Variants in TRPS1 observed in about 807,000 individuals in gnomAD.
TRPS1 encodes the protein zinc finger transcription factor Trps1.
TRPS1 carries 6 observed loss-of-function variants against 101.2 expected under a neutral mutation model. The observed-to-expected ratio is 0.06, with a 90% CI of 0.03 to 0.12. TRPS1 has a LOEUF of 0.12. TRPS1 is among the 10% of genes least tolerant of loss of function. TRPS1 has a pLI of 1.00. For synonymous variants in TRPS1, 578 were observed against 589.8 expected, an observed-to-expected ratio of 0.98 and a Z score of 0.29; for missense variants, 1,363 against 1,567.0, an observed-to-expected ratio of 0.87 and a Z score of 2.20.
intron 5 of TRPS1, among the ~76,000 whole-genome samples, chr8:115,533,417 C>T (rs1477950224): frequency 3.2e-5 from 4 of 126,018 alleles, no homozygotes; most frequent in East Asian, 5.7e-4. Context: ...TTAAGGGGCC[C>T]GCTTCCCACA....
chr8:115,526,618 A>G (rs1353211411), intron 5 of TRPS1, among the ~76,000 whole-genome samples: 1 of 152,172 alleles, frequency 6.6e-6, no homozygotes, highest in Non-Finnish European at 1.5e-5. Flanking sequence ...TTAAAATAAC[A>G]AAATCACAGT....
At chr8:115,423,435 T>C (rs1686183465) in intron 5 of TRPS1, among the ~76,000 whole-genome samples, 1 of 152,228 alleles carries the variant, frequency 6.6e-6, no homozygotes, top group Non-Finnish European at 1.5e-5. Context: ...ATTTCAAATA[T>C]TATAGCCACA....
intron 1 of TRPS1, among the ~76,000 whole-genome samples, chr8:115,632,754 C>T (rs560353808): frequency 8.5e-5 from 13 of 152,182 alleles, no homozygotes; most frequent in Admixed American, 7.9e-4. Flanking sequence ...TGTATATGGA[C>T]ACGTGTAAAG....
In TRPS1 at chr8:115,501,258, A is replaced by T. The variant is rs1360458225; in HGVS notation, c.2701-82806T>A. Among the ~76,000 whole-genome samples the T allele has an allele frequency of 2.0e-5, 3 of 152,194 alleles. No individual in the cohort carries two copies. The South Asian group carries it at 6.2e-4, about 32-fold the overall frequency. ...TATTCATTCACTAAACACCTAGCTG[A>T]GCAGGCCCAGTGAACATGTTCCAGC... On this transcript the variant is annotated intron_variant, in intron 5 of 6. Transcript: ENST00000395715.
rs11537602 is a variant in TRPS1, at chr8:115,410,252, C to T, written c.*3771G>A. The T allele has an allele frequency of 6.6e-6, 1 of 152,304 alleles. No individual in the cohort carries two copies. Among genetic ancestry groups the T allele is most frequent in the African/African-American group, 2.4e-5 (1 of 41,362 alleles). 9.4% of individuals were successfully genotyped at this position (152,304 alleles called of 1,614,324 possible). ...CCTCAGGCATTTTAAAATATATATA[C>T]ATTTAATATTTTTGGAGCTGTATTT... On this transcript the variant is annotated 3_prime_UTR_variant, in exon 7 of 7. Transcript: ENST00000395715.
At chr8:115,441,922 T>C (rs1221857804) in intron 5 of TRPS1, among the ~76,000 whole-genome samples, 2 of 151,750 alleles carry the variant, frequency 1.3e-5, no homozygotes, top group Admixed American at 6.6e-5. Context: ...TGTGTGTGTG[T>C]GTGCAGGTTG....
rs1818296201 is a variant in TRPS1, at chr8:115,617,338, C to CA, written c.966+1793dup. Reference sequence around the variant, plus strand: ...ATTTCTAGTTCTATTAGTTCAAACTCAGATAGCTCACACATCTGTTTTACT... The same window carrying CA: ...ATTTCTAGTTCTATTAGTTCAAACTCAAGATAGCTCACACATCTGTTTTACT... On this transcript the variant is annotated intron_variant, in intron 3 of 6. Transcript: ENST00000395715. 3.3e-5 allele frequency among the ~76,000 whole-genome samples: 5 copies of CA among 152,268 alleles called. No homozygotes were observed. The South Asian group carries it at 1.0e-3, about 32-fold the overall frequency.
At chr8:115,416,699 T>G (rs944297207) in intron 6 of TRPS1, among the ~76,000 whole-genome samples, 3 of 151,918 alleles carry the variant, frequency 2.0e-5, no homozygotes, top group Admixed American at 2.0e-4. Flanking sequence ...TATAAATCCT[T>G]TTTGGAACAT....
chr8:115,428,048 T>G (rs1417813626), intron 5 of TRPS1, among the ~76,000 whole-genome samples: 2 of 151,990 alleles, frequency 1.3e-5, no homozygotes. Flanking sequence ...TTGGCTAGAG[T>G]TGGGGCAAGA....
chr8:115,509,577 T>G (rs979732472), intron 5 of TRPS1: 1 of 152,056 alleles, frequency 6.6e-6, no homozygotes, highest in East Asian at 1.9e-4. Context: ...CCTTCAAGAC[T>G]AATTAATGTT....
chr8:115,566,958 C>A (rs1315850320), intron 5 of TRPS1, among the ~76,000 whole-genome samples: 2 of 152,100 alleles, frequency 1.3e-5, no homozygotes, highest in Non-Finnish European at 2.9e-5. Flanking sequence ...AATAATCATT[C>A]TAATACCATA....
At chr8:115,567,024 T>C (rs1259795759) in intron 5 of TRPS1, among the ~76,000 whole-genome samples, 1 of 152,148 alleles carries the variant, frequency 6.6e-6, no homozygotes, top group Non-Finnish European at 1.5e-5. Context: ...CACGCATCTT[T>C]CTCATTTGAG....
intron 5 of TRPS1, among the ~76,000 whole-genome samples, chr8:115,494,913 T>C (rs1815111826): frequency 6.6e-6 from 1 of 152,188 alleles, no homozygotes; most frequent in Admixed American, 6.5e-5. Context: ...GAAATACCTT[T>C]TCATCCCACT....
intron 5 of TRPS1, among the ~76,000 whole-genome samples, chr8:115,510,836 G>C (rs970658993): frequency 6.6e-6 from 1 of 151,852 alleles, no homozygotes. Context: ...CATTTTGAAT[G>C]CCAAGGTTAT....
At chr8:115,543,566 T>G (rs1210976395) in intron 5 of TRPS1, among the ~76,000 whole-genome samples, 1 of 152,120 alleles carries the variant, frequency 6.6e-6, no homozygotes, top group Non-Finnish European at 1.5e-5. Flanking sequence ...AGATAAAAAG[T>G]TTTAAAAATT....
intron 5 of TRPS1, among the ~76,000 whole-genome samples, chr8:115,427,803 G>GTCA (rs922012394): frequency 7.5e-5 from 11 of 147,460 alleles, no homozygotes; most frequent in Admixed American, 1.4e-4. Flanking sequence ...GACAGACACA[G>GTCA]TCATAGCCAG....
intron 5 of TRPS1, among the ~76,000 whole-genome samples, chr8:115,443,491 A>G (rs1445288547): frequency 3.9e-5 from 6 of 152,178 alleles, no homozygotes; most frequent in Admixed American, 2.0e-4. Flanking sequence ...TAATTTTGCT[A>G]AAATAACCTT....
intron 5 of TRPS1, among the ~76,000 whole-genome samples, chr8:115,436,436 G>C (rs1391817180): frequency 1.3e-5 from 2 of 152,154 alleles, no homozygotes; most frequent in Non-Finnish European, 2.9e-5. Context: ...TCCTCAAATA[G>C]GGTCTTGTTG....
At chr8:115,624,198 T>C (rs1272656323) in intron 1 of TRPS1, among the ~76,000 whole-genome samples, 1 of 152,008 alleles carries the variant, frequency 6.6e-6, no homozygotes, top group Non-Finnish European at 1.5e-5. Flanking sequence ...AACTTTATCA[T>C]CCTACTACAT....
Sources: allele counts gnomAD v4.1 joint callset (sites outside exome capture counted in the v4.1 genomes callset), GRCh38; gene constraint gnomAD v4.1.1; transcripts MANE v1.5; gene names NCBI Gene and HGNC (gene_info 2026-07-23, HGNC 2026-07-21).